MBD5: variants seen among roughly 807,000 people sequenced by gnomAD.
MBD5 encodes the protein methyl-CpG-binding domain protein 5.
A neutral mutation model predicts 117.3 loss-of-function variants in MBD5; 13 were observed. That is an observed-to-expected ratio of 0.11 (90% CI 0.07 to 0.18). MBD5 has a LOEUF of 0.18. Ranked by LOEUF, MBD5 falls within the 10% of genes least tolerant of loss-of-function variation. The pLI is 1.00. For synonymous variants in MBD5, 727 were observed against 766.4 expected (o/e 0.95, Z 0.85); for missense variants, 1,879 against 2,093.8 (o/e 0.90, Z 2.00).
chr2:148,021,334 A>C lies in MBD5; in HGVS notation c.-1275A>C. 2 of 360,168 alleles carry C rather than the reference A, an allele frequency of 5.6e-6. No homozygotes were observed. Among genetic ancestry groups the C allele is most frequent in the Admixed American group, 3.2e-5 (1 of 30,924 alleles). 22.3% of individuals were successfully genotyped at this position (360,168 alleles called of 1,614,324 possible). A position where few individuals can be genotyped will look rare whatever the true frequency, so the allele number is the denominator to read the frequency against. ...AGTTTCTTCTTCTTCGAAAACCCCC[A>C]TCCACGACTCCTACCCCCTCACCCC... On this transcript the variant is annotated 5_prime_UTR_variant, in exon 1 of 14. Transcript: ENST00000642680.
intron 4 of MBD5, among the ~76,000 whole-genome samples, chr2:148,369,314 A>G (rs1219660048): frequency 6.6e-6 from 1 of 152,074 alleles, no homozygotes; most frequent in African/African-American, 2.4e-5. Context: ...TTTTCAATCT[A>G]TAAAATCCCA....
intron 3 of MBD5, among the ~76,000 whole-genome samples, chr2:148,316,622 TAA>T (rs1559019344): frequency 6.6e-6 from 1 of 152,084 alleles, no homozygotes; most frequent in Non-Finnish European, 1.5e-5. Flanking sequence ...TCATATTTCT[TAA>T]AAAAATTAAA....
intron 2 of MBD5, among the ~76,000 whole-genome samples, chr2:148,188,312 A>G (rs1209545785): frequency 6.6e-6 from 1 of 152,208 alleles, no homozygotes; most frequent in East Asian, 1.9e-4. Context: ...TTAAAGATGC[A>G]TATTTAAACC....
At chr2:148,046,532 T>C (rs185338609) in intron 1 of MBD5, among the ~76,000 whole-genome samples, 103 of 152,266 alleles carry the variant, frequency 6.8e-4, no homozygotes, top group Admixed American at 6.7e-3. Flanking sequence ...GTGCTGTCCC[T>C]GTCTACCCCA....
chr2:148,227,631 A>AT (rs1326744125), intron 2 of MBD5, among the ~76,000 whole-genome samples: 1 of 151,946 alleles, frequency 6.6e-6, no homozygotes, highest in African/African-American at 2.4e-5. Flanking sequence ...TTTAAAGTAG[A>AT]TTTTTCCAAT....
intron 1 of MBD5, among the ~76,000 whole-genome samples, chr2:148,041,615 T>G (rs1694361249): frequency 1.3e-5 from 2 of 152,142 alleles, no homozygotes; most frequent in South Asian, 2.1e-4. Flanking sequence ...GTTTAACAGC[T>G]TTCACTCTTG....
chr2:148,343,484 G>T (rs528474013), intron 4 of MBD5, among the ~76,000 whole-genome samples: 2 of 152,114 alleles, frequency 1.3e-5, no homozygotes, highest in South Asian at 2.1e-4. Context: ...GTATGAGAAG[G>T]TATCTAATTA....
Position 148,502,446 on chromosome 2 carries a change from A to G in MBD5, c.4973A>G (p.Glu1658Gly). Reference sequence around the variant, plus strand: ...CATACCTTCACTCAGGTGGAGCCCGAGAAGTTGAAGACACTAACAGAAGGT... The same window carrying G: ...CATACCTTCACTCAGGTGGAGCCCGGGAAGTTGAAGACACTAACAGAAGGT... ...QSPEEGKVEP[E>G]KLKTLTEGLE... The change falls in exon 12 of 14, where the codon GAG becomes GGG. Residue 1658 changes from glutamate (E) to glycine (G), a missense_variant. By Grantham distance (98) the Glu-to-Gly change is moderately conservative. Coordinates refer to ENST00000642680, the MANE Select transcript of MBD5 (RefSeq NM_001378120.1). 6.2e-7 allele frequency: 1 copy of G among 1,614,196 alleles called. No individual in the cohort carries two copies.
chr2:148,226,235 G>A (rs914608003), intron 2 of MBD5, among the ~76,000 whole-genome samples: 10 of 151,752 alleles, frequency 6.6e-5, no homozygotes, highest in Non-Finnish European at 1.3e-4. Flanking sequence ...TTAGCATTAG[G>A]TATATCTCCT....
intron 1 of MBD5, among the ~76,000 whole-genome samples, chr2:148,148,884 G>A (rs1272660815): frequency 9.2e-5 from 14 of 151,944 alleles, no homozygotes; most frequent in Non-Finnish European, 2.1e-4. Context: ...GGGCAACACT[G>A]TACAGTTCTT....
chr2:148,261,414 T>C (rs1700729837), intron 3 of MBD5, among the ~76,000 whole-genome samples: 1 of 152,236 alleles, frequency 6.6e-6, no homozygotes, highest in South Asian at 2.1e-4. Flanking sequence ...AACTTACTGC[T>C]TCACTTCGCA....
chr2:148,289,795 T>C (rs1018985798), intron 3 of MBD5, among the ~76,000 whole-genome samples: 1 of 152,168 alleles, frequency 6.6e-6, no homozygotes, highest in Non-Finnish European at 1.5e-5. Context: ...AAATTTAGTA[T>C]TGTCACTGCT....
chr2:148,127,218 C>T (rs990550279), intron 1 of MBD5, among the ~76,000 whole-genome samples: 1 of 152,078 alleles, frequency 6.6e-6, no homozygotes, highest in African/African-American at 2.4e-5. Flanking sequence ...CCGCCCACCT[C>T]GGCCTCCCAA....
chr2:148,490,846 C>T (rs1400442827), intron 11 of MBD5: 2 of 499,708 alleles, frequency 4.0e-6, no homozygotes, highest in South Asian at 2.2e-5. Context: ...AAGCCAGGAA[C>T]CAGATTTCCA....
At chr2:148,300,390 T>A (rs1701754735) in intron 3 of MBD5, among the ~76,000 whole-genome samples, 1 of 152,164 alleles carries the variant, frequency 6.6e-6, no homozygotes, top group South Asian at 2.1e-4. Context: ...CATTTGATTC[T>A]AAAGCTACTT....
At position 148,145,808 on chromosome 2, in the gene MBD5, G is replaced by A. The variant is rs149686143; in HGVS notation, c.-924-32892G>A. ...TCCCAGGGATGAAGCACACTTGATC[G>A]TGGTGGATAAGGTTTTTGATGTGCT... On this transcript the variant is annotated intron_variant, in intron 1 of 13. Transcript: ENST00000642680. Among the ~76,000 whole-genome samples the A allele has an allele frequency of 2.0e-5, 3 of 152,240 alleles. No homozygotes were observed. The East Asian group carries it at 5.8e-4, about 29-fold the overall frequency.
In MBD5 at chr2:148,133,009, G is replaced by A. The variant is rs191434996; in HGVS notation, c.-924-45691G>A. Among the ~76,000 whole-genome samples the A allele has an allele frequency of 7.4e-3, 1,123 of 152,134 alleles. 15 individuals carry two copies. The highest frequency in any genetic ancestry group is 0.025 in the African/African-American group (1,055 of 41,518). On this transcript the variant is annotated intron_variant, in intron 1 of 13. Transcript: ENST00000642680. The stretch of plus-strand genomic sequence containing the variant: ...ATTGGTATACTAAAATACCTAAAAA[G>A]ATTTTTTACCTAAAAATAATTTGTG...
At chr2:148,369,593 TC>T (rs904966929) in intron 4 of MBD5, among the ~76,000 whole-genome samples, 6 of 151,966 alleles carry the variant, frequency 3.9e-5, no homozygotes, top group Non-Finnish European at 8.8e-5. Context: ...GTTACAAGAG[TC>T]CCTCAGCCTA....
intron 2 of MBD5, among the ~76,000 whole-genome samples, chr2:148,197,431 C>T (rs1270780897): frequency 6.6e-6 from 1 of 152,206 alleles, no homozygotes; most frequent in Admixed American, 6.5e-5. Flanking sequence ...AAAAAAGGTT[C>T]TGTTTCCAGG....
Sources: allele counts gnomAD v4.1 joint callset (sites outside exome capture counted in the v4.1 genomes callset), GRCh38; gene constraint gnomAD v4.1.1; transcripts MANE v1.5; gene names NCBI Gene and HGNC (gene_info 2026-07-23, HGNC 2026-07-21).